The following GNAO1 variants were observed in gnomAD, a reference collection of about 807,000 sequenced individuals.
GNAO1 encodes the protein guanine nucleotide-binding protein G(o) subunit alpha.
For missense variants in GNAO1, 166 were observed against 478.7 expected (o/e 0.35, Z 6.10); for synonymous variants, 164 against 180.7 (o/e 0.91, Z 0.74).
intron 2 of GNAO1, chr16:56,270,227 C>T (rs1260159063): frequency 6.6e-6 from 1 of 152,330 alleles, no homozygotes; most frequent in African/African-American, 2.4e-5. Context: ...CGGTTTCTGT[C>T]CAAAGTCAAA....
At chr16:56,197,656 T>G (rs2036245747) in intron 2 of GNAO1, among the ~76,000 whole-genome samples, 1 of 152,230 alleles carries the variant, frequency 6.6e-6, no homozygotes, top group East Asian at 1.9e-4. Flanking sequence ...TGGAAAAGAA[T>G]GCAGAACGTC....
In GNAO1 at chr16:56,202,372, C is replaced by G. The variant is rs575390923; in HGVS notation, c.161+9756C>G. Among the ~76,000 whole-genome samples the G allele has an allele frequency of 1.2e-4, 19 of 152,236 alleles. 2 individuals are homozygous for G. The highest frequency in any genetic ancestry group is 1.2e-3 in the Admixed American group (18 of 15,294). On this transcript the variant is annotated intron_variant, in intron 2 of 8. Transcript: ENST00000262493. ...ATTGAGGAAATCCATGAAGAACCCC[C>G]CTCCCAGCCCAAAAGAAATGTGGGC...
chr16:56,261,132 G>C (rs2036899937), intron 2 of GNAO1, among the ~76,000 whole-genome samples: 1 of 152,210 alleles, frequency 6.6e-6, no homozygotes, highest in Admixed American at 6.5e-5. Context: ...TTACCCTGGA[G>C]AGGAATGTGC....
chr16:56,246,766 C>T (rs895822676), intron 2 of GNAO1, among the ~76,000 whole-genome samples: 52 of 152,302 alleles, frequency 3.4e-4, no homozygotes, highest in African/African-American at 1.1e-3. Context: ...CTCCTCCTGT[C>T]CCTCTTCCTC....
chr16:56,322,421 GA>G (rs1479634546), intron 3 of GNAO1, among the ~76,000 whole-genome samples: 1 of 152,212 alleles, frequency 6.6e-6, no homozygotes, highest in Non-Finnish European at 1.5e-5. Flanking sequence ...CCTTGGATGG[GA>G]AATTCAGGCT....
At chr16:56,281,826 A>G (rs1367313661) in intron 3 of GNAO1, among the ~76,000 whole-genome samples, 1 of 152,210 alleles carries the variant, frequency 6.6e-6, no homozygotes, top group Non-Finnish European at 1.5e-5. Context: ...TAGAAGATTC[A>G]CTGGACCAGT....
chr16:56,256,714 CTCTCTGTGTGTGTGTG>C (rs758949385), intron 2 of GNAO1, among the ~76,000 whole-genome samples: 31,445 of 122,184 alleles, frequency 0.26, 3,644 homozygotes, highest in Middle Eastern at 0.34. Context: ...CTCTCTCTCT[CTCTCTGTGTGTGTGTG>C]TGTGTGTGTG....
intron 2 of GNAO1, among the ~76,000 whole-genome samples, chr16:56,249,420 C>T (rs970906998): frequency 2.6e-5 from 4 of 152,130 alleles, no homozygotes; most frequent in Admixed American, 6.5e-5. Context: ...TGAAAACCAT[C>T]GCACTTTCCT....
intron 2 of GNAO1, among the ~76,000 whole-genome samples, chr16:56,273,035 G>A (rs1270537555): frequency 6.6e-6 from 1 of 152,120 alleles, no homozygotes; most frequent in Admixed American, 6.5e-5. Flanking sequence ...TAGTATTTAC[G>A]CTAGAGTTTA....
At chr16:56,235,248 A>G in intron 2 of GNAO1, 3 of 448,874 alleles carry the variant, frequency 6.7e-6, no homozygotes, top group South Asian at 3.2e-5. Flanking sequence ...CTCTGATTGC[A>G]GGTGGCTCAA....
At chr16:56,319,056 C>T (rs1173075070) in intron 3 of GNAO1, among the ~76,000 whole-genome samples, 1 of 152,202 alleles carries the variant, frequency 6.6e-6, no homozygotes, top group Admixed American at 6.5e-5. Context: ...CACCTCATCC[C>T]TTGAGAGGGA....
At chr16:56,331,792 G>A (rs1254081611) in intron 4 of GNAO1, among the ~76,000 whole-genome samples, 3 of 151,994 alleles carry the variant, frequency 2.0e-5, no homozygotes, top group African/African-American at 4.8e-5. Flanking sequence ...AATTCATATC[G>A]CCAGCCCAGC....
At chr16:56,192,529 A>T in intron 1 of GNAO1, 45 bp from the exon 2 acceptor site, 1 of 1,011,180 alleles carries the variant, frequency 9.9e-7, no homozygotes, top group Non-Finnish European at 1.5e-6. Context: ...CTGTTCCCTT[A>T]AGCTGACACT....
At chr16:56,199,224 A>G (rs552685455) in intron 2 of GNAO1, among the ~76,000 whole-genome samples, 38 of 152,362 alleles carry the variant, frequency 2.5e-4, no homozygotes, top group African/African-American at 8.4e-4. Context: ...TAATTGCAGA[A>G]TAGCAACCTC....
intron 3 of GNAO1, among the ~76,000 whole-genome samples, chr16:56,294,166 C>G (rs1432730151): frequency 6.6e-6 from 1 of 152,146 alleles, no homozygotes; most frequent in Admixed American, 6.5e-5. Flanking sequence ...AGTTTACTTG[C>G]AATCCTGGCT....
intron 4 of GNAO1, among the ~76,000 whole-genome samples, chr16:56,333,421 A>G (rs1419183728): frequency 1.3e-5 from 2 of 152,174 alleles, no homozygotes; most frequent in Admixed American, 6.5e-5. Flanking sequence ...CATGTTGGCC[A>G]GGATGGTCTC....
chr16:56,345,598 A>G lies in GNAO1; in HGVS notation c.724-5786A>G, dbSNP rs549527302. The stretch of plus-strand genomic sequence containing the variant: ...CTCTGGCAGCCGGACTGCAGGAGCC[A>G]CCCCATCAGCCCAAGTCCACCTCTG... On this transcript the variant is annotated intron_variant, in intron 6 of 8. Coordinates refer to ENST00000262493, the MANE Select transcript of GNAO1 (RefSeq NM_020988.3). 1.5e-4 allele frequency: 152 copies of G among 985,350 alleles called. No homozygotes were observed. In the South Asian group the frequency reaches 2.4e-3, roughly 16 times the overall value. The allele number at this position is 985,350 out of a possible 1,614,324, so 61.0% of individuals were successfully genotyped here.
intron 2 of GNAO1, among the ~76,000 whole-genome samples, chr16:56,251,607 C>T (rs56281325): frequency 0.017 from 2,635 of 152,268 alleles, 47 homozygotes; most frequent in South Asian, 0.052. Context: ...TAACAGCCTC[C>T]TTTATAAAGA....
intron 6 of GNAO1, chr16:56,345,531 T>C (rs1449428291): frequency 4.1e-6 from 4 of 984,082 alleles, no homozygotes; most frequent in East Asian, 2.3e-4. Context: ...CCAGGAACCT[T>C]CCCTAGTGCC....
Sources: gnomAD v4.1 joint callset for allele counts (sites outside exome capture counted in the v4.1 genomes callset) on GRCh38, gnomAD v4.1.1 for gene constraint, MANE v1.5 for transcripts, NCBI Gene and HGNC (gene_info 2026-07-23, HGNC 2026-07-21) for gene names.